NCK1: variants seen among roughly 807,000 people sequenced by gnomAD.
The protein encoded by NCK1 is NCK adaptor protein 1.
A neutral mutation model predicts 36.6 loss-of-function variants in NCK1; 19 were observed. The ratio of observed to expected loss-of-function variants is 0.52; its 90% CI spans 0.36 to 0.76. The LOEUF is 0.76. Among genes scored for constraint, NCK1 ranks in the 30% least tolerant of loss-of-function variants. NCK1 has a pLI of 0.00. For synonymous variants in NCK1, 165 were observed against 156.0 expected (o/e 1.06, Z -0.43); for missense variants, 358 against 445.6 (o/e 0.80, Z 1.77).
At chr3:136,917,314 A>C (rs931479994) in intron 1 of NCK1, among the ~76,000 whole-genome samples, 5 of 150,416 alleles carry the variant, frequency 3.3e-5, no homozygotes, top group African/African-American at 1.2e-4. Context: ...AGTATGATCC[A>C]GGGAAACCAA....
intron 1 of NCK1, among the ~76,000 whole-genome samples, chr3:136,879,019 C>G (rs1327811233): frequency 1.3e-5 from 2 of 152,000 alleles, no homozygotes; most frequent in Admixed American, 1.3e-4. Flanking sequence ...TTTTATGGCC[C>G]TCCTTTTAAA....
intron 1 of NCK1, among the ~76,000 whole-genome samples, chr3:136,888,602 C>T (rs1576954067): frequency 6.6e-6 from 1 of 151,692 alleles, no homozygotes; most frequent in Non-Finnish European, 1.5e-5. Context: ...CGGGGTTTCA[C>T]CATGTTGGCC....
At chr3:136,905,162 G>C (rs2108104906) in intron 1 of NCK1, among the ~76,000 whole-genome samples, 1 of 152,032 alleles carries the variant, frequency 6.6e-6, no homozygotes, top group East Asian at 1.9e-4. Flanking sequence ...ACAGGTGCCT[G>C]CCACCACACC....
intron 1 of NCK1, among the ~76,000 whole-genome samples, chr3:136,864,542 G>A (rs984406582): frequency 4.6e-5 from 7 of 151,370 alleles, no homozygotes; most frequent in African/African-American, 1.7e-4. Flanking sequence ...TGTTTTGTTA[G>A]ATACTGAGGG....
chr3:136,890,486 C>T (rs1430546928), intron 1 of NCK1, among the ~76,000 whole-genome samples: 5 of 152,238 alleles, frequency 3.3e-5, no homozygotes, highest in African/African-American at 1.2e-4. Flanking sequence ...TCAAGTGCTG[C>T]CAAAGTGGGA....
At chr3:136,930,618 C>A in intron 2 of NCK1, 1 of 1,427,834 alleles carries the variant, frequency 7.0e-7, no homozygotes. Flanking sequence ...TTTATTAAAT[C>A]CACTGTTTTC....
chr3:136,943,220 G>A (rs3845925), intron 2 of NCK1, among the ~76,000 whole-genome samples: 103,687 of 151,952 alleles, frequency 0.68, 35,657 homozygotes, highest in East Asian at 0.87. Flanking sequence ...TGCATTCATT[G>A]CTTTTTGCAG....
intron 1 of NCK1, among the ~76,000 whole-genome samples, chr3:136,865,052 G>A (rs1016757723): frequency 1.3e-5 from 2 of 151,828 alleles, no homozygotes; most frequent in Admixed American, 1.3e-4. Flanking sequence ...TCTGCCTGCC[G>A]GGTTCAAGCA....
intron 1 of NCK1, among the ~76,000 whole-genome samples, chr3:136,906,566 C>A (rs1939691731): frequency 6.6e-6 from 1 of 152,190 alleles, no homozygotes; most frequent in African/African-American, 2.4e-5. Flanking sequence ...CTTTGAGCCT[C>A]CAGGTGTCTT....
intron 1 of NCK1, among the ~76,000 whole-genome samples, chr3:136,888,407 A>AT (rs111836974): frequency 0.013 from 1,826 of 145,852 alleles, 28 homozygotes; most frequent in African/African-American, 0.038. Flanking sequence ...CAATATCAGA[A>AT]TTTTTTTTTT....
At chr3:136,882,369 T>C (rs1938964904) in intron 1 of NCK1, among the ~76,000 whole-genome samples, 1 of 152,244 alleles carries the variant, frequency 6.6e-6, no homozygotes, top group Admixed American at 6.5e-5. Flanking sequence ...GGTTATGTTT[T>C]TGTTGAGTCT....
chr3:136,941,194 C>CT (rs1940665591), intron 2 of NCK1, among the ~76,000 whole-genome samples: 1 of 144,778 alleles, frequency 6.9e-6, no homozygotes, highest in South Asian at 2.2e-4. Flanking sequence ...GGTGGAATCT[C>CT]TGCTCACTGC....
rs1249245313 is a variant in NCK1, at chr3:136,893,178, G to GTGTGTGTA, written c.-19+30826_-19+30827insGTGTGTAT. Among the ~76,000 whole-genome samples, 37 of 34,648 alleles carry GTGTGTGTA rather than the reference G, an allele frequency of 1.1e-3. 5 individuals are homozygous for GTGTGTGTA. Among genetic ancestry groups the GTGTGTGTA allele is most frequent in the South Asian group, 2.3e-3 (2 of 860 alleles). The allele number at this position is 34,648 out of a possible 152,430, so 22.7% of individuals were successfully genotyped here. Reference sequence around the variant, plus strand: ...TGTGTGTGTGTGTGTGTGTGTGTGTGTATATATATATATACACACATGTGC... The same window carrying GTGTGTGTA: ...TGTGTGTGTGTGTGTGTGTGTGTGTGTGTGTGTATATATATATATATACACACATGTGC... On this transcript the variant is annotated intron_variant, in intron 1 of 3. Coordinates refer to ENST00000481752, the MANE Select transcript of NCK1 (RefSeq NM_001291999.2).
At chr3:136,924,812 T>G (rs1940197851) in intron 1 of NCK1, among the ~76,000 whole-genome samples, 1 of 152,188 alleles carries the variant, frequency 6.6e-6, no homozygotes. Context: ...TGAGAGTTAT[T>G]TATATCATGC....
intron 1 of NCK1, among the ~76,000 whole-genome samples, chr3:136,893,185 T>TACACACAC (rs1560038396): frequency 3.1e-4 from 6 of 19,496 alleles, no homozygotes; most frequent in Non-Finnish European, 3.5e-4. Flanking sequence ...TGTGTATATA[T>TACACACAC]ATATATACAC....
At chr3:136,941,431 A>G (rs527709750) in intron 2 of NCK1, among the ~76,000 whole-genome samples, 8 of 150,998 alleles carry the variant, frequency 5.3e-5, no homozygotes, top group Non-Finnish European at 7.4e-5. Flanking sequence ...TGACTGGACT[A>G]TTTTCTCTAA....
chr3:136,871,223 C>T (rs577752387), intron 1 of NCK1, among the ~76,000 whole-genome samples: 53 of 151,460 alleles, frequency 3.5e-4, no homozygotes, highest in South Asian at 8.4e-4. Context: ...TAGCAAGAGC[C>T]GGCCTTTACA....
At position 136,950,452 on chromosome 3, in the gene NCK1, A is replaced by G. The variant is rs972530018; in HGVS notation, c.*1999A>G. Reference sequence around the variant, plus strand: ...TAGCTATAGCGCTCCCAGATAACCCATGTGTGCTAGTAATATCTATTGTGT... The same window carrying G: ...TAGCTATAGCGCTCCCAGATAACCCGTGTGTGCTAGTAATATCTATTGTGT... On this transcript the variant is annotated 3_prime_UTR_variant, in exon 4 of 4. Coordinates refer to ENST00000481752, the MANE Select transcript of NCK1 (RefSeq NM_001291999.2). Among the ~76,000 whole-genome samples the G allele has an allele frequency of 6.6e-6, 1 of 152,134 alleles. No individual in the cohort carries two copies. Among genetic ancestry groups the G allele is most frequent in the Non-Finnish European group, 1.5e-5 (1 of 67,972 alleles).
chr3:136,874,220 G>A (rs971721036), intron 1 of NCK1, among the ~76,000 whole-genome samples: 1 of 152,062 alleles, frequency 6.6e-6, no homozygotes, highest in Non-Finnish European at 1.5e-5. Flanking sequence ...CTGTCACCCA[G>A]GCTGGAGTGC....
Sources: gnomAD v4.1 joint callset for allele counts (sites outside exome capture counted in the v4.1 genomes callset) on GRCh38, gnomAD v4.1.1 for gene constraint, MANE v1.5 for transcripts, NCBI Gene and HGNC (gene_info 2026-07-23, HGNC 2026-07-21) for gene names.